The following HADH variants were observed in gnomAD, a reference collection of about 807,000 sequenced individuals.
The protein encoded by HADH is hydroxyacyl-coenzyme A dehydrogenase, mitochondrial.
HADH carries 24 observed loss-of-function variants against 32.2 expected under a neutral mutation model. The ratio of observed to expected loss-of-function variants is 0.75; its 90% CI spans 0.54 to 1.05. The LOEUF (loss-of-function observed/expected upper bound fraction) is 1.05, where lower values mean the gene tolerates loss of function less well. Ranked by LOEUF, HADH falls within the 50% of genes least tolerant of loss-of-function variation. The probability of loss-of-function intolerance (pLI) is 0.00; values close to 1 mark genes in which losing one functional copy is unlikely to be tolerated. For missense variants in HADH, 350 were observed against 397.1 expected (o/e 0.88, Z 1.01); for synonymous variants, 139 against 152.5 (o/e 0.91, Z 0.65).
At chr4:108,008,356 G>T (rs1222884942) in intron 1 of HADH, among the ~76,000 whole-genome samples, 2 of 152,176 alleles carry the variant, frequency 1.3e-5, no homozygotes, top group African/African-American at 2.4e-5. Flanking sequence ...GATGCAGCCT[G>T]CAGGTCCACA....
chr4:107,993,386 T>C (rs1734868988), intron 1 of HADH, among the ~76,000 whole-genome samples: 1 of 152,212 alleles, frequency 6.6e-6, no homozygotes, highest in African/African-American at 2.4e-5. Flanking sequence ...TGTTAAACTT[T>C]AGTAAAGCCA....
At chr4:108,032,703 C>T in intron 6 of HADH, 1 of 332,958 alleles carries the variant, frequency 3.0e-6, no homozygotes, top group South Asian at 4.0e-5. Context: ...AAATCTTGGG[C>T]CACACACTGT....
Position 108,023,514 on chromosome 4 carries a change from C to T in HADH, c.587C>T (p.Ser196Phe), listed in dbSNP as rs1256471525. The change falls in exon 5 of 8, where the codon TCT becomes TTT. Residue 196 changes from serine to phenylalanine, a missense_variant. By Grantham distance (155) the Ser-to-Phe change is radical (BLOSUM62 -2). Coordinates refer to ENST00000309522, the MANE Select transcript of HADH (RefSeq NM_005327.7). ...ATGACCAGCCAGAAGACATTTGAAT[C>T]TTTGGTAGACTTTAGCAAAGCCCTA... ...TPMTSQKTFE[S>F]LVDFSKALGK... 2.5e-6 allele frequency: 4 copies of T among 1,612,156 alleles called. No individual in the cohort carries two copies. The South Asian group carries it at 4.4e-5, about 18-fold the overall frequency.
At chr4:108,022,181 G>A in intron 4 of HADH, among the ~76,000 whole-genome samples, 1 of 148,512 alleles carries the variant, frequency 6.7e-6, no homozygotes, top group African/African-American at 2.5e-5. Flanking sequence ...GTGTGTGTGT[G>A]TGTGTGTATG....
At chr4:108,027,404 C>G (rs918872888) in intron 5 of HADH, 3 of 498,986 alleles carry the variant, frequency 6.0e-6, no homozygotes, top group Non-Finnish European at 1.1e-5. Context: ...TCTGTCTCTC[C>G]CAAAGCCATG....
Position 108,035,012 on chromosome 4 carries a change from C to T in HADH, c.*655C>T, listed in dbSNP as rs1056494141. 2 of 153,292 alleles carry T rather than the reference C, an allele frequency of 1.3e-5. No homozygotes were observed. Among genetic ancestry groups the T allele is most frequent in the African/African-American group, 2.4e-5 (1 of 41,406 alleles). 9.5% of individuals were successfully genotyped at this position (153,292 alleles called of 1,614,324 possible). ...CTGAATGATTACTGTCTGTCTGTGTCTTTTTTCCATGAGAAATCACTGTTG... is the reference window on the plus strand; with the variant it reads ...CTGAATGATTACTGTCTGTCTGTGTTTTTTTTCCATGAGAAATCACTGTTG... On this transcript the variant is annotated 3_prime_UTR_variant, in exon 8 of 8. Transcript: ENST00000309522.
intron 3 of HADH, among the ~76,000 whole-genome samples, chr4:108,017,388 T>G (rs1735729703): frequency 6.6e-6 from 1 of 152,146 alleles, no homozygotes; most frequent in African/African-American, 2.4e-5. Context: ...AACCCTCTTG[T>G]CTTCTTTATA....
chr4:108,005,032 A>G, intron 1 of HADH: 1 of 670,732 alleles, frequency 1.5e-6, no homozygotes, highest in Non-Finnish European at 2.4e-6. Context: ...AACTCACCAT[A>G]TATACCTTCT....
chr4:108,002,352 G>A (rs1204875004), intron 1 of HADH, among the ~76,000 whole-genome samples: 9 of 152,142 alleles, frequency 5.9e-5, no homozygotes, highest in Admixed American at 5.9e-4. Flanking sequence ...ATTGTGAACT[G>A]TGCATGTGAG....
At position 108,005,002 on chromosome 4, in the gene HADH, A is replaced by G. The variant is rs115995922; in HGVS notation, c.133-4757A>G. On this transcript the variant is annotated intron_variant, in intron 1 of 7. Transcript: ENST00000309522. The stretch of plus-strand genomic sequence containing the variant: ...GAAGTGATAATACTGTATTCAGTTT[A>G]AATGTTTATTTTATACTGTAACTCA... The G allele has an allele frequency of 3.1e-3, 3,191 of 1,039,672 alleles. 58 individuals are homozygous for G. The African/African-American group carries it at 0.038, about 12-fold the overall frequency. 64.4% of individuals were successfully genotyped at this position (1,039,672 alleles called of 1,614,324 possible).
chr4:108,018,439 T>A (rs564553866), intron 3 of HADH, among the ~76,000 whole-genome samples: 279 of 152,042 alleles, frequency 1.8e-3, no homozygotes, highest in Non-Finnish European at 2.9e-3. Context: ...ATTTTTTTTT[T>A]AAAAAGGAAA....
intron 3 of HADH, among the ~76,000 whole-genome samples, chr4:108,018,550 G>A (rs528648960): frequency 2.0e-5 from 3 of 152,150 alleles, no homozygotes; most frequent in South Asian, 2.1e-4. Flanking sequence ...CACTGGTCTC[G>A]CCTTTTACCT....
chr4:108,009,397 T>C (rs1180420443), intron 1 of HADH, among the ~76,000 whole-genome samples: 1 of 152,244 alleles, frequency 6.6e-6, no homozygotes, highest in Non-Finnish European at 1.5e-5. Context: ...TAGTGGCCCC[T>C]GAATGGAACA....
rs933606531 is a variant in HADH at position 108,004,172 on chromosome 4, A to G, written c.133-5587A>G. ...GCAGTTATGAAGATCAGAGGAGATA[A>G]TTTATGAAAAGTGCAAGCTCTCTTG... On this transcript the variant is annotated intron_variant, in intron 1 of 7. Coordinates refer to ENST00000309522, the MANE Select transcript of HADH (RefSeq NM_005327.7). Among the ~76,000 whole-genome samples, 11 of 152,358 alleles carry G rather than the reference A, an allele frequency of 7.2e-5. No individual in the cohort carries two copies. In the East Asian group the frequency reaches 1.7e-3, roughly 24 times the overall value.
intron 1 of HADH, chr4:108,004,692 G>C: frequency 6.5e-7 from 1 of 1,526,796 alleles, no homozygotes; most frequent in Non-Finnish European, 8.8e-7. Flanking sequence ...CAGCAATGAG[G>C]GATAATTCTT....
Position 108,034,305 on chromosome 4 carries a change from C to A in HADH, c.893C>A (p.Ala298Glu). 3 of 1,613,514 alleles carry A rather than the reference C, an allele frequency of 1.9e-6. No homozygotes were observed. Among genetic ancestry groups the A allele is most frequent in the Non-Finnish European group, 1.7e-6 (2 of 1,179,404 alleles). ...QPSPSLNKLVAENKFGKKTGE... is the reference protein window; with the variant it reads ...QPSPSLNKLVEENKFGKKTGE... ...AGCCCATCCTTAAATAAGCTGGTAG[C>A]AGAGAACAAGTTCGGCAAGAAGACT... is the stretch of plus-strand genomic sequence containing the variant. Residue 298 changes from alanine (A) to glutamate (E), a missense_variant, in exon 8 of 8, where the codon GCA (alanine) becomes GAA (glutamate). Coordinates refer to ENST00000309522, the MANE Select transcript of HADH (RefSeq NM_005327.7).
intron 4 of HADH, among the ~76,000 whole-genome samples, chr4:108,022,677 G>T (rs984803708): frequency 2.6e-5 from 4 of 152,086 alleles, no homozygotes; most frequent in African/African-American, 9.7e-5. Flanking sequence ...AAGACTTTAA[G>T]GGCAACCATC....
intron 2 of HADH, among the ~76,000 whole-genome samples, chr4:108,010,831 A>C (rs1053084612): frequency 6.7e-6 from 1 of 150,284 alleles, no homozygotes; most frequent in South Asian, 2.1e-4. Context: ...ATGTTGTAAC[A>C]TGTGTCACAA....
At chr4:107,990,182 C>T in intron 1 of HADH, 118 bp downstream of exon 1, 3 of 1,043,410 alleles carry the variant, frequency 2.9e-6, no homozygotes, top group South Asian at 1.5e-5. Context: ...GTTTTCACCC[C>T]GCGCCTCCCG....
Sources: gnomAD v4.1 joint callset for allele counts (sites outside exome capture counted in the v4.1 genomes callset) on GRCh38, gnomAD v4.1.1 for gene constraint, MANE v1.5 for transcripts, NCBI Gene and HGNC (gene_info 2026-07-23, HGNC 2026-07-21) for gene names.